The following DIP2C variants were observed in gnomAD, a reference collection of about 807,000 sequenced individuals.
The protein encoded by DIP2C is DIP2 acetate--CoA ligase C (putative).
A neutral mutation model predicts 192.4 loss-of-function variants in DIP2C; 33 were observed. That is an observed-to-expected ratio of 0.17 (90% CI 0.13 to 0.23). The LOEUF is 0.23. Ranked by LOEUF, DIP2C falls within the 10% of genes least tolerant of loss-of-function variation. The pLI is 1.00. For synonymous variants in DIP2C, 979 were observed against 864.1 expected (o/e 1.13, Z -2.33); for missense variants, 1,537 against 2,110.1 (o/e 0.73, Z 5.32).
chr10:290,013 A>C (rs1044170135), intron 32 of DIP2C, among the ~76,000 whole-genome samples: 1 of 152,146 alleles, frequency 6.6e-6, no homozygotes, highest in African/African-American at 2.4e-5. Flanking sequence ...AGACAGAAGC[A>C]CCCGTGCCGG....
chr10:632,458 G>A (rs555548866), intron 1 of DIP2C, among the ~76,000 whole-genome samples: 30 of 101,748 alleles, frequency 2.9e-4, no homozygotes, highest in African/African-American at 1.1e-3. Flanking sequence ...ACTCAGACCC[G>A]ACGGCCAGCA....
intron 1 of DIP2C, among the ~76,000 whole-genome samples, chr10:578,874 T>C (rs981131485): frequency 1.8e-4 from 28 of 152,066 alleles, no homozygotes; most frequent in African/African-American, 6.5e-4. Context: ...CTAACACACA[T>C]GTACGTGCAT....
In DIP2C at chr10:371,441, G is replaced by A. The variant is rs530582375; in HGVS notation, c.1992-1808C>T. Among the ~76,000 whole-genome samples, 97 of 152,332 alleles carry A rather than the reference G, an allele frequency of 6.4e-4. No homozygotes were observed. In the Middle Eastern group the frequency reaches 0.01, roughly 16 times the overall value. On this transcript the variant is annotated intron_variant, in intron 17 of 36. Transcript: ENST00000280886. ...GTAAGCCAGGGCCATCTTATGACCA[G>A]GTTAAGATGAGGTCATACTGGGTTA... is the stretch of plus-strand genomic sequence containing the variant.
At chr10:604,653 A>AAT (rs1852338685) in intron 1 of DIP2C, among the ~76,000 whole-genome samples, 1 of 152,244 alleles carries the variant, frequency 6.6e-6, no homozygotes, top group African/African-American at 2.4e-5. Context: ...TCTCTTGATT[A>AAT]TAGTTTTTAT....
intron 1 of DIP2C, among the ~76,000 whole-genome samples, chr10:541,766 C>T (rs144875474): frequency 2.0e-5 from 3 of 150,122 alleles, no homozygotes; most frequent in African/African-American, 5.0e-5. Context: ...CTCTCCTGGA[C>T]CCCACAGCGT....
chr10:449,917 C>CAAAAAAAAAAAAAAAAA (rs1287942290), intron 3 of DIP2C, among the ~76,000 whole-genome samples: 2 of 22,526 alleles, frequency 8.9e-5, no homozygotes, highest in Non-Finnish European at 1.1e-4. Flanking sequence ...CAGTCAACAA[C>CAAAAAAAAAAAAAAAAA]AACAAAAAAA....
chr10:301,946 G>T (rs970810021), intron 32 of DIP2C, among the ~76,000 whole-genome samples: 1 of 151,894 alleles, frequency 6.6e-6, no homozygotes, highest in Non-Finnish European at 1.5e-5. Context: ...TTTTTCATTC[G>T]GTTTTCCCAC....
At chr10:334,321 A>AAAAAG (rs1240616640) in intron 29 of DIP2C, among the ~76,000 whole-genome samples, 1 of 151,378 alleles carries the variant, frequency 6.6e-6, no homozygotes. Context: ...AAAAAAAAAA[A>AAAAAG]AAAAGAAAAA....
Position 364,292 on chromosome 10 carries a change from G to C in DIP2C, c.2477+82C>G, listed in dbSNP as rs1959914787. On this transcript the variant is annotated intron_variant, in intron 20 of 36. Transcript: ENST00000280886. ...GAGACACAATACATTTAAGGAAACT[G>C]TGCAACTTTCAACCCTTCAAAACCA... The C allele has an allele frequency of 8.8e-6, 13 of 1,473,636 alleles. No homozygotes were observed. In the East Asian group the frequency reaches 2.3e-4, roughly 26 times the overall value. The allele number at this position is 1,473,636 out of a possible 1,614,324, so 91.3% of individuals were successfully genotyped here. A position where few individuals can be genotyped will look rare whatever the true frequency, so the allele number is the denominator to read the frequency against.
intron 1 of DIP2C, among the ~76,000 whole-genome samples, chr10:568,766 A>C (rs1408833326): frequency 6.4e-5 from 3 of 47,188 alleles, no homozygotes; most frequent in African/African-American, 4.3e-4. Flanking sequence ...ACTCCGTCTC[A>C]AAAAAAAAAA....
chr10:440,715 G>A (rs994013678), intron 4 of DIP2C, among the ~76,000 whole-genome samples, 156 bp downstream of exon 4: 3 of 152,138 alleles, frequency 2.0e-5, no homozygotes, highest in East Asian at 1.9e-4. Flanking sequence ...TTCCTTCCAC[G>A]TTTAACTCAT....
At chr10:366,241 G>A (rs2132749624) in intron 19 of DIP2C, 34 bp downstream of exon 19, 2 of 1,607,728 alleles carry the variant, frequency 1.2e-6, no homozygotes, top group Middle Eastern at 3.3e-4. Context: ...CGGAGCCACA[G>A]ATGGTGCCCA....
intron 1 of DIP2C, among the ~76,000 whole-genome samples, chr10:509,662 G>T (rs985914346): frequency 2.0e-5 from 3 of 152,214 alleles, no homozygotes; most frequent in African/African-American, 7.2e-5. Context: ...AGACGAGAGA[G>T]AGGCATCTAA....
intron 4 of DIP2C, among the ~76,000 whole-genome samples, chr10:426,299 T>C (rs1342177666): frequency 6.6e-6 from 1 of 152,030 alleles, no homozygotes; most frequent in African/African-American, 2.4e-5. Flanking sequence ...AGGTACAAAA[T>C]GTGTACACTG....
intron 1 of DIP2C, among the ~76,000 whole-genome samples, chr10:657,033 T>C (rs898296161): frequency 6.6e-5 from 10 of 151,988 alleles, no homozygotes; most frequent in African/African-American, 2.2e-4. Context: ...ATGTGGAAAG[T>C]TGGCTGGACC....
intron 1 of DIP2C, among the ~76,000 whole-genome samples, chr10:515,036 T>A (rs1846261031): frequency 6.6e-6 from 1 of 152,196 alleles, no homozygotes; most frequent in South Asian, 2.1e-4. Flanking sequence ...CAGATAGTAA[T>A]TTTCAGAAAA....
intron 3 of DIP2C, among the ~76,000 whole-genome samples, chr10:459,666 C>T (rs1283457964): frequency 2.0e-5 from 3 of 150,146 alleles, no homozygotes; most frequent in Non-Finnish European, 4.4e-5. Flanking sequence ...CTCCCAGTCA[C>T]ATCAGGGAAC....
intron 28 of DIP2C, among the ~76,000 whole-genome samples, chr10:344,071 C>T (rs958513003): frequency 1.1e-4 from 16 of 152,152 alleles, no homozygotes; most frequent in African/African-American, 2.9e-4. Context: ...GTCTACTCTA[C>T]GTCAGACGCT....
At chr10:326,513 C>T (rs577027504) in intron 31 of DIP2C, among the ~76,000 whole-genome samples, 3 of 152,360 alleles carry the variant, frequency 2.0e-5, no homozygotes, top group East Asian at 3.9e-4. Context: ...TTGTCAGCCA[C>T]TGTTAATGCA....
Sources: allele counts gnomAD v4.1 joint callset (sites outside exome capture counted in the v4.1 genomes callset), GRCh38; gene constraint gnomAD v4.1.1; transcripts MANE v1.5; gene names NCBI Gene and HGNC (gene_info 2026-07-23, HGNC 2026-07-21).